MTMR12: variants seen among roughly 807,000 people sequenced by gnomAD.
MTMR12 encodes myotubularin-related protein 12.
In MTMR12, 33 loss-of-function variants were observed where a neutral mutation model predicts 96.7. The observed-to-expected ratio is 0.34, with a 90% CI of 0.26 to 0.46. MTMR12 has a LOEUF of 0.46. Ranked by LOEUF, MTMR12 falls within the 20% of genes least tolerant of loss-of-function variation. The pLI is 1.00. For synonymous variants in MTMR12, 298 were observed against 327.2 expected (o/e 0.91, Z 0.96); for missense variants, 721 against 896.1 (o/e 0.80, Z 2.49).
chr5:32,272,609 G>A (rs1217666831), intron 3 of MTMR12, among the ~76,000 whole-genome samples: 1 of 152,046 alleles, frequency 6.6e-6, no homozygotes, highest in Admixed American at 6.5e-5. Flanking sequence ...GAACTCCTGA[G>A]CTCAAGCAAT....
At chr5:32,249,014 G>T in intron 8 of MTMR12, 136 bp from the exon 9 acceptor site, 1 of 668,836 alleles carries the variant, frequency 1.5e-6, no homozygotes, top group Non-Finnish European at 2.7e-6. Flanking sequence ...ACTTTATTAA[G>T]CCTGGGAGTA....
At chr5:32,270,436 A>G (rs1409673704) in intron 5 of MTMR12, among the ~76,000 whole-genome samples, 2 of 152,186 alleles carry the variant, frequency 1.3e-5, no homozygotes, top group Non-Finnish European at 2.9e-5. Context: ...TACTCATAGA[A>G]GTTGGAATTC....
intron 7 of MTMR12, among the ~76,000 whole-genome samples, chr5:32,256,811 G>A (rs373534453): frequency 2.6e-5 from 4 of 152,232 alleles, no homozygotes; most frequent in East Asian, 3.8e-4. Flanking sequence ...CCATGGGGAT[G>A]TGATCATCAA....
At chr5:32,248,710 C>G (rs1023299011) in intron 9 of MTMR12, 62 bp downstream of exon 9, 5 of 1,271,800 alleles carry the variant, frequency 3.9e-6, no homozygotes, top group Non-Finnish European at 5.8e-6. Context: ...CTACTAAGAG[C>G]TGTTCCCTGC....
intron 1 of MTMR12, among the ~76,000 whole-genome samples, chr5:32,286,860 C>G (rs953211638): frequency 6.6e-6 from 1 of 152,174 alleles, no homozygotes; most frequent in Non-Finnish European, 1.5e-5. Flanking sequence ...CTGCTCCTCT[C>G]GAGTTCACAT....
intron 1 of MTMR12, among the ~76,000 whole-genome samples, chr5:32,297,197 A>C (rs1750963730): frequency 6.6e-6 from 1 of 152,160 alleles, no homozygotes. Context: ...AATGGTATTC[A>C]GTATATTCAT....
chr5:32,311,271 T>G (rs556534232), intron 1 of MTMR12, among the ~76,000 whole-genome samples: 29 of 152,332 alleles, frequency 1.9e-4, no homozygotes, highest in South Asian at 8.3e-4. Context: ...TGCTTAAATG[T>G]GATACCACAA....
chr5:32,264,519 G>A (rs982516234), intron 6 of MTMR12, among the ~76,000 whole-genome samples: 2 of 151,196 alleles, frequency 1.3e-5, no homozygotes, highest in Non-Finnish European at 2.9e-5. Flanking sequence ...GGAGTGCAGC[G>A]GCGTGATCTC....
At chr5:32,291,891 GTTTGTC>G (rs1750749984) in intron 1 of MTMR12, among the ~76,000 whole-genome samples, 1 of 152,172 alleles carries the variant, frequency 6.6e-6, no homozygotes, top group Non-Finnish European at 1.5e-5. Context: ...AAGGGCAGAG[GTTTGTC>G]TTCACTGCAA....
intron 6 of MTMR12, among the ~76,000 whole-genome samples, chr5:32,267,340 C>T (rs2112072670): frequency 6.8e-6 from 1 of 146,596 alleles, no homozygotes; most frequent in South Asian, 2.1e-4. Flanking sequence ...CGTGCCACTG[C>T]ACTCCAGCCT....
chr5:32,274,170 C>G, intron 2 of MTMR12, 48 bp from the exon 3 acceptor site: 1 of 1,592,898 alleles, frequency 6.3e-7, no homozygotes. Flanking sequence ...AGGGAACATA[C>G]GATATGCAAA....
intron 1 of MTMR12, among the ~76,000 whole-genome samples, chr5:32,285,340 A>G (rs1455388795): frequency 2.7e-5 from 4 of 145,986 alleles, no homozygotes; most frequent in Non-Finnish European, 4.5e-5. Flanking sequence ...CCTGGGTGAC[A>G]GAGCGAGATT....
At chr5:32,236,821 G>A (rs374969251) in intron 13 of MTMR12, among the ~76,000 whole-genome samples, 2 of 148,014 alleles carry the variant, frequency 1.4e-5, no homozygotes, top group South Asian at 2.1e-4. Flanking sequence ...TGGGCAACAC[G>A]AGCGAAACTC....
At chr5:32,251,729 C>T (rs1748934937) in intron 8 of MTMR12, among the ~76,000 whole-genome samples, 1 of 152,124 alleles carries the variant, frequency 6.6e-6, no homozygotes, top group Non-Finnish European at 1.5e-5. Context: ...TTGGGAAAGG[C>T]AACCATAGAA....
chr5:32,248,776 C>T lies in MTMR12; in HGVS notation c.892G>A (p.Asp298Asn), dbSNP rs778563790. The change falls in exon 9 of 16, where the codon GAT becomes AAT. Residue 298 changes from aspartate to asparagine, a missense_variant. Physicochemically the swap from Asp to Asn is conservative, Grantham distance 23. Coordinates refer to ENST00000382142, the MANE Select transcript of MTMR12 (RefSeq NM_001040446.3). ...AAATGTAGAACTAGTACTGACCCATCTAAGAAGCTCTTTTGGATTTGTAAA... is the reference window on the plus strand; with the variant it reads ...AAATGTAGAACTAGTACTGACCCATTTAAGAAGCTCTTTTGGATTTGTAAA... ...GILQIQKSFL[D>N]GIYKTIHRPP... is the part of the protein sequence containing the mutation. The T allele has an allele frequency of 1.2e-6, 2 of 1,613,722 alleles. No individual in the cohort carries two copies. The highest frequency in any genetic ancestry group is 2.2e-5 in the South Asian group (2 of 91,074).
chr5:32,267,936 C>A (rs557833669), intron 6 of MTMR12, among the ~76,000 whole-genome samples: 1 of 152,056 alleles, frequency 6.6e-6, no homozygotes, highest in Non-Finnish European at 1.5e-5. Context: ...CAGGTTCAAG[C>A]GATTCTCCTG....
intron 5 of MTMR12, among the ~76,000 whole-genome samples, chr5:32,269,582 G>C (rs1232275010): frequency 6.6e-6 from 1 of 152,222 alleles, no homozygotes; most frequent in Non-Finnish European, 1.5e-5. Flanking sequence ...TGAGATTGCA[G>C]GCATTGGCCA....
At chr5:32,284,869 T>G (rs919648959) in intron 1 of MTMR12, among the ~76,000 whole-genome samples, 1 of 152,188 alleles carries the variant, frequency 6.6e-6, no homozygotes, top group Non-Finnish European at 1.5e-5. Context: ...CTCTGAAAAT[T>G]ATGGAAATTT....
In MTMR12 at chr5:32,255,934, G is replaced by A. The variant is rs1010154811; in HGVS notation, c.714-166C>T. On this transcript the variant is annotated intron_variant, in intron 7 of 15. Coordinates refer to ENST00000382142, the MANE Select transcript of MTMR12 (RefSeq NM_001040446.3). ...GGAACTGCTGCTTTCGGTGTGGCGT[G>A]AAGTACTCTGGACAAATCAGTGGGG... The A allele has an allele frequency of 6.0e-5, 33 of 553,790 alleles. No individual in the cohort carries two copies. In the East Asian group the frequency reaches 1.1e-3, roughly 18 times the overall value. 34.3% of individuals were successfully genotyped at this position (553,790 alleles called of 1,614,324 possible). A position where few individuals can be genotyped will look rare whatever the true frequency, so the allele number is the denominator to read the frequency against.
Sources: gnomAD v4.1 joint callset for allele counts (sites outside exome capture counted in the v4.1 genomes callset) on GRCh38, gnomAD v4.1.1 for gene constraint, MANE v1.5 for transcripts, NCBI Gene and HGNC (gene_info 2026-07-23, HGNC 2026-07-21) for gene names.